The following ZFHX3 variants were observed in gnomAD, a reference collection of about 807,000 sequenced individuals.
The protein encoded by ZFHX3 is zinc finger homeobox 3, also known as zinc finger homeobox protein 3.
In ZFHX3, 42 loss-of-function variants were observed where a neutral mutation model predicts 279.1. The ratio of observed to expected loss-of-function variants is 0.15; its 90% CI spans 0.12 to 0.19. The LOEUF (loss-of-function observed/expected upper bound fraction) is 0.19, where lower values mean the gene tolerates loss of function less well. ZFHX3 is among the 10% of genes least tolerant of loss of function. ZFHX3 has a pLI of 1.00. For missense variants in ZFHX3, 4,981 were observed against 4,754.0 expected (o/e 1.05, Z -1.40); for synonymous variants, 2,293 against 1,957.8 (o/e 1.17, Z -4.52).
At position 72,788,753 on chromosome 16, in the gene ZFHX3, A is replaced by C; in HGVS notation, c.9523T>G (p.Ser3175Ala). 6.3e-7 allele frequency: 1 copy of C among 1,579,316 alleles called. No individual in the cohort carries two copies. The highest frequency in any genetic ancestry group is 8.6e-7 in the Non-Finnish European group (1 of 1,163,852). The change falls in exon 10 of 10, where the codon TCA becomes GCA. Residue 3175 changes from serine (S) to alanine (A), a missense_variant. Ser to Ala is a moderately conservative substitution (Grantham distance 99). Coordinates refer to ENST00000268489, the MANE Select transcript of ZFHX3 (RefSeq NM_006885.4). ...PTSGLPNKPS[S>A]ASLSSPTPAQ... Reference sequence around the variant, plus strand: ...GGGGTTGGGGAGCTCAGCGACGCTGAGGACGGTTTATTTGGTAATCCAGAA... The same window carrying C: ...GGGGTTGGGGAGCTCAGCGACGCTGCGGACGGTTTATTTGGTAATCCAGAA...
intron 7 of ZFHX3, chr16:73,126,991 C>T (rs1331243938): frequency 6.2e-6 from 1 of 161,750 alleles, no homozygotes; most frequent in Admixed American, 6.1e-5. Context: ...AAAAAGAAAA[C>T]GGGAGAGGAA....
intron 1 of ZFHX3, among the ~76,000 whole-genome samples, chr16:72,968,978 A>G (rs1476538045): frequency 5.3e-5 from 8 of 152,208 alleles, no homozygotes; most frequent in East Asian, 1.9e-4. Flanking sequence ...GTACCTACAT[A>G]TATACAGCAG....
chr16:73,096,210 T>C (rs9925320), intron 7 of ZFHX3, among the ~76,000 whole-genome samples: 44,726 of 151,608 alleles, frequency 0.3, 6,950 homozygotes, highest in South Asian at 0.39. Flanking sequence ...ATTGGGCTCC[T>C]ATAACTGTTC....
chr16:73,000,285 C>T (rs1026680086), intron 1 of ZFHX3, among the ~76,000 whole-genome samples: 5 of 152,156 alleles, frequency 3.3e-5, no homozygotes, highest in East Asian at 3.9e-4. Flanking sequence ...AGGAAGGAGG[C>T]GCCTCTTCTT....
chr16:73,137,794 G>A (rs1212139930), intron 6 of ZFHX3, among the ~76,000 whole-genome samples: 1 of 152,084 alleles, frequency 6.6e-6, no homozygotes, highest in African/African-American at 2.4e-5. Context: ...CAGGACCAAA[G>A]GAAACTTATC....
chr16:73,511,957 G>A (rs554745487), intron 2 of ZFHX3, among the ~76,000 whole-genome samples: 20 of 152,014 alleles, frequency 1.3e-4, no homozygotes, highest in Non-Finnish European at 2.2e-4. Flanking sequence ...CCAGGTTCCC[G>A]TAAGATCATG....
rs575470278 is a variant in ZFHX3, at chr16:73,389,831, G to A, written c.-1291+66172C>T. On this transcript the variant is annotated intron_variant, in intron 3 of 17. Transcript: ENST00000641206. Reference sequence around the variant, plus strand: ...TCCCAACGCTTTGGGAGGCAGAGGCGGGTGGATCACTTGAGGTCAGGAGTT... The same window carrying A: ...TCCCAACGCTTTGGGAGGCAGAGGCAGGTGGATCACTTGAGGTCAGGAGTT... 4.6e-5 allele frequency among the ~76,000 whole-genome samples: 7 copies of A among 152,318 alleles called. No homozygotes were observed. In the East Asian group the frequency reaches 1.2e-3, roughly 25 times the overall value.
chr16:73,781,858 GCA>G (rs1327312819), intron 1 of ZFHX3, among the ~76,000 whole-genome samples: 2 of 152,120 alleles, frequency 1.3e-5, no homozygotes, highest in Non-Finnish European at 2.9e-5. Context: ...GTGGTGGTGT[GCA>G]TCTGTAATCC....
chr16:73,844,368 A>G (rs1961390158), intron 1 of ZFHX3, among the ~76,000 whole-genome samples: 1 of 152,208 alleles, frequency 6.6e-6, no homozygotes, highest in African/African-American at 2.4e-5. Flanking sequence ...GTCCCAAATA[A>G]GAAAGCATGA....
chr16:73,402,524 A>G (rs1312639250), intron 3 of ZFHX3: 1 of 152,194 alleles, frequency 6.6e-6, no homozygotes, highest in Non-Finnish European at 1.5e-5. Flanking sequence ...GAATTTCTCT[A>G]CTTAACTTGT....
At chr16:72,807,437 A>T (rs956955821) in intron 7 of ZFHX3, 6 of 152,216 alleles carry the variant, frequency 3.9e-5, no homozygotes, top group African/African-American at 1.2e-4. Context: ...CCCCCTCATC[A>T]GTAAGAAGGG....
At chr16:73,396,849 A>G (rs1361877186) in intron 3 of ZFHX3, among the ~76,000 whole-genome samples, 1 of 152,226 alleles carries the variant, frequency 6.6e-6, no homozygotes, top group Non-Finnish European at 1.5e-5. Context: ...CCTCCTGAGT[A>G]CACAGATGGC....
chr16:73,465,315 A>G (rs2018546247), intron 2 of ZFHX3, among the ~76,000 whole-genome samples: 1 of 152,186 alleles, frequency 6.6e-6, no homozygotes, highest in Non-Finnish European at 1.5e-5. Flanking sequence ...GGCTAAGCCA[A>G]GTCTTCAGGG....
intron 1 of ZFHX3, among the ~76,000 whole-genome samples, chr16:73,056,902 A>C (rs1287068961): frequency 6.6e-6 from 1 of 152,230 alleles, no homozygotes; most frequent in Non-Finnish European, 1.5e-5. Context: ...TTTTTAAAAA[A>C]CATAATAAAT....
At chr16:73,068,546 T>C (rs966787676) in intron 8 of ZFHX3, among the ~76,000 whole-genome samples, 1 of 152,364 alleles carries the variant, frequency 6.6e-6, no homozygotes, top group East Asian at 1.9e-4. Context: ...AACAATTGCC[T>C]GGTGTGCCCC....
intron 1 of ZFHX3, among the ~76,000 whole-genome samples, chr16:73,737,846 G>C (rs1450872189): frequency 3.9e-5 from 6 of 152,190 alleles, no homozygotes; most frequent in Non-Finnish European, 8.8e-5. Flanking sequence ...GTGGGCAGGA[G>C]AAGGGAAAAA....
At chr16:73,625,197 G>A (rs2052403773) in intron 2 of ZFHX3, among the ~76,000 whole-genome samples, 1 of 152,136 alleles carries the variant, frequency 6.6e-6, no homozygotes, top group Admixed American at 6.6e-5. Context: ...GCACCATTTG[G>A]GTTTGTAAAT....
At chr16:73,035,055 T>C (rs1597118249) in intron 1 of ZFHX3, among the ~76,000 whole-genome samples, 1 of 152,116 alleles carries the variant, frequency 6.6e-6, no homozygotes, top group African/African-American at 2.4e-5. Flanking sequence ...ATCCACTAGG[T>C]AGCCACCGAC....
intron 1 of ZFHX3, among the ~76,000 whole-genome samples, chr16:73,793,900 C>G (rs1438788538): frequency 6.6e-6 from 1 of 151,962 alleles, no homozygotes; most frequent in African/African-American, 2.4e-5. Flanking sequence ...AGCTGAGGTT[C>G]AAAAATGGAT....
Sources: gnomAD v4.1 joint callset for allele counts (sites outside exome capture counted in the v4.1 genomes callset) on GRCh38, gnomAD v4.1.1 for gene constraint, MANE v1.5 for transcripts, NCBI Gene and HGNC (gene_info 2026-07-23, HGNC 2026-07-21) for gene names.